ZNF236: variants seen among roughly 807,000 people sequenced by gnomAD.
The protein encoded by ZNF236 is zinc finger protein 236.
A neutral mutation model predicts 191.2 loss-of-function variants in ZNF236; 50 were observed. The ratio of observed to expected loss-of-function variants is 0.26; its 90% confidence interval spans 0.21 to 0.33. The LOEUF (loss-of-function observed/expected upper bound fraction) is 0.33. Ranked by LOEUF, ZNF236 falls within the 10% of genes least tolerant of loss-of-function variation. ZNF236 has a pLI of 1.00. For synonymous variants in ZNF236, 907 were observed against 928.8 expected, an observed-to-expected ratio of 0.98 and a Z score of 0.43; for missense variants, 1,754 against 2,374.5, an observed-to-expected ratio of 0.74 and a Z score of 5.43.
chr18:76,828,142 T>C (rs1975067418), intron 1 of ZNF236, among the ~76,000 whole-genome samples: 1 of 151,724 alleles, frequency 6.6e-6, no homozygotes, highest in South Asian at 2.1e-4. Flanking sequence ...GCACCACCAG[T>C]GTAAGCTAGG....
intron 3 of ZNF236, among the ~76,000 whole-genome samples, chr18:76,861,371 C>T (rs1158539104): frequency 5.9e-5 from 9 of 152,044 alleles, no homozygotes; most frequent in South Asian, 4.1e-4. Flanking sequence ...TCTTTAAAGG[C>T]GTTATCTGGA....
At chr18:76,953,477 A>C (rs983004364) in intron 27 of ZNF236, among the ~76,000 whole-genome samples, 1 of 152,208 alleles carries the variant, frequency 6.6e-6, no homozygotes, top group African/African-American at 2.4e-5. Flanking sequence ...TTTACTCACA[A>C]GGATTCTATC....
In ZNF236 at chr18:76,925,345, A is replaced by G. The variant is rs1164010537; in HGVS notation, c.3818A>G (p.Gln1273Arg). 2.5e-6 allele frequency: 4 copies of G among 1,614,216 alleles called. No individual in the cohort carries two copies. The highest frequency in any genetic ancestry group is 3.4e-6 in the Non-Finnish European group (4 of 1,180,038). The change falls in exon 22 of 31, where the codon CAG (glutamine) becomes CGG (arginine). Residue 1273 changes from glutamine (Q) to arginine (R), a missense_variant. By Grantham distance (43) the Gln-to-Arg change is conservative. Around this residue, in one of 5 missense-constraint regions of ZNF236, gnomAD observed 606 missense variants for 761.5 expected, o/e 0.80. Transcript: ENST00000320610. This position sits in a 1 kb window ranked among gnomAD's most constrained non-coding sequence, Gnocchi z 5.7. ...RTSGRRKTHM[Q>R]FHYKPDPKKA... is the part of the protein sequence containing the mutation. ...TCGGGTAGAAGAAAGACACACATGCAGTTTCATTATAAACCAGACCCAAAG... is the reference window on the plus strand; with the variant it reads ...TCGGGTAGAAGAAAGACACACATGCGGTTTCATTATAAACCAGACCCAAAG...
At chr18:76,828,551 C>T (rs140702549) in intron 1 of ZNF236, among the ~76,000 whole-genome samples, 157 of 152,318 alleles carry the variant, frequency 1.0e-3, no homozygotes, top group African/African-American at 3.1e-3. Flanking sequence ...TTACTTGCTT[C>T]AGGGAGACAG....
chr18:76,878,560 G>A (rs1976781079), intron 7 of ZNF236, among the ~76,000 whole-genome samples: 1 of 151,952 alleles, frequency 6.6e-6, no homozygotes, highest in African/African-American at 2.4e-5. Flanking sequence ...TTCAGTACAT[G>A]TAGTTAAAAA....
At chr18:76,882,859 T>G (rs1403088705) in intron 9 of ZNF236, among the ~76,000 whole-genome samples, 2 of 152,260 alleles carry the variant, frequency 1.3e-5, no homozygotes, top group Non-Finnish European at 2.9e-5. Flanking sequence ...TGTGTGGTAG[T>G]CTTCCAGGTT....
intron 1 of ZNF236, among the ~76,000 whole-genome samples, chr18:76,844,379 G>T (rs1975615687): frequency 6.6e-6 from 1 of 152,168 alleles, no homozygotes; most frequent in South Asian, 2.1e-4. Context: ...GAGAGGGTGG[G>T]AGCAGTGTGG....
At chr18:76,863,434 G>A (rs1367623225) in intron 3 of ZNF236, among the ~76,000 whole-genome samples, 1 of 152,094 alleles carries the variant, frequency 6.6e-6, no homozygotes, top group East Asian at 1.9e-4. Context: ...AAAAAATCTT[G>A]TGAGAGACTA....
intron 22 of ZNF236, among the ~76,000 whole-genome samples, chr18:76,926,760 C>CGG (rs1175687555): frequency 6.6e-6 from 1 of 150,800 alleles, no homozygotes; most frequent in Admixed American, 6.6e-5. Context: ...GGTGATTAGA[C>CGG]AGTGTGTGTG....
At chr18:76,911,564 T>C (rs1967217938) in intron 16 of ZNF236, among the ~76,000 whole-genome samples, 2 of 152,216 alleles carry the variant, frequency 1.3e-5, no homozygotes, top group South Asian at 4.1e-4. Flanking sequence ...GGAAGTCAGG[T>C]AAACAAATGC....
rs4890779 is a variant in ZNF236 at position 76,865,711 on chromosome 18, C to G, written c.364-2974C>G. Among the ~76,000 whole-genome samples the G allele has an allele frequency of 3.1e-4, 47 of 152,120 alleles. No individual in the cohort carries two copies. The Middle Eastern group carries it at 0.017, about 55-fold the overall frequency. On this transcript the variant is annotated intron_variant, in intron 3 of 30. Coordinates refer to ENST00000320610, the MANE Select transcript of ZNF236 (RefSeq NM_001306089.2). ...GTCCCCTGAAACCTTGGAAATAGGA[C>G]TAAAATTGCTTCCTAAGGGTTAAAC... is the stretch of plus-strand genomic sequence containing the variant.
At chr18:76,883,646 T>A (rs2122655374) in intron 9 of ZNF236, among the ~76,000 whole-genome samples, 1 of 152,288 alleles carries the variant, frequency 6.6e-6, no homozygotes, top group South Asian at 2.1e-4. Flanking sequence ...CAGGCTGGTC[T>A]TAAATTCCTG....
intron 9 of ZNF236, chr18:76,886,472 A>C (rs1202219784): frequency 1.2e-5 from 2 of 167,404 alleles, no homozygotes; most frequent in African/African-American, 4.8e-5. Context: ...ATATTTGCAG[A>C]GCACTAGCCA....
At chr18:76,846,976 G>T (rs1355670711) in intron 1 of ZNF236, among the ~76,000 whole-genome samples, 1 of 151,814 alleles carries the variant, frequency 6.6e-6, no homozygotes, top group Non-Finnish European at 1.5e-5. Flanking sequence ...TGTATTTTTC[G>T]CAGAGGGGGT....
intron 1 of ZNF236, among the ~76,000 whole-genome samples, chr18:76,831,404 A>G (rs530661765): frequency 3.3e-5 from 5 of 152,360 alleles, no homozygotes; most frequent in African/African-American, 1.2e-4. Context: ...ATAATATTCT[A>G]CTGTATGGAT....
At position 76,941,791 on chromosome 18, in the gene ZNF236, T is replaced by TAA. The variant is rs1968140223; in HGVS notation, c.4782+4449_4782+4450insAA. The stretch of plus-strand genomic sequence containing the variant: ...AAATTTTTAAACCAAATTGATTAAT[T>TAA]AGCATGCATTGTCCAACAAGTAATT... On this transcript the variant is annotated intron_variant, in intron 26 of 30. Coordinates refer to ENST00000320610, the MANE Select transcript of ZNF236 (RefSeq NM_001306089.2). Among the ~76,000 whole-genome samples, 4 of 152,382 alleles carry TAA rather than the reference T, an allele frequency of 2.6e-5. No individual in the cohort carries two copies. The South Asian group carries it at 8.3e-4, about 32-fold the overall frequency.
In ZNF236 at chr18:76,910,792, G is replaced by T. The variant is rs748020558; in HGVS notation, c.2786G>T (p.Ser929Ile). 1 of 1,614,136 alleles carries T rather than the reference G, an allele frequency of 6.2e-7. No individual in the cohort carries two copies. The highest frequency in any genetic ancestry group is 2.2e-5 in the East Asian group (1 of 44,888). ...CAGCAGAGCTTGCTGCAGGCTCCCA[G>T]CTCTGATGGGATGAATGTAGTGAGT... Reference protein sequence around the residue: ...FHQQSLLQAPSSDGMNVTTRL... With the variant: ...FHQQSLLQAPISDGMNVTTRL... Residue 929 changes from serine to isoleucine, a missense_variant, in exon 16 of 31, where the codon AGC (serine) becomes ATC (isoleucine). By Grantham distance (142) the Ser-to-Ile change is moderately radical. Coordinates refer to ENST00000320610, the MANE Select transcript of ZNF236 (RefSeq NM_001306089.2).
chr18:76,895,318 T>C (rs1326855473), intron 10 of ZNF236, 33 bp downstream of exon 10: 1 of 1,593,016 alleles, frequency 6.3e-7, no homozygotes, highest in Admixed American at 1.7e-5. Context: ...ACACGGGCAC[T>C]GGCCACGGGG....
At chr18:76,871,380 A>T (rs1976580184) in intron 4 of ZNF236, among the ~76,000 whole-genome samples, 4 of 152,188 alleles carry the variant, frequency 2.6e-5, no homozygotes, top group Admixed American at 2.6e-4. Flanking sequence ...GTCAGTGTAG[A>T]AATTATACCC....
Sources: gnomAD v4.1 joint callset for allele counts (sites outside exome capture counted in the v4.1 genomes callset) on GRCh38, gnomAD v4.1.1 for gene constraint, gnomAD v4.1.1 regional missense constraint, Gnocchi (gnomAD v3.1) non-coding constraint, MANE v1.5 for transcripts, NCBI Gene and HGNC (gene_info 2026-07-23, HGNC 2026-07-21) for gene names.